PRELID2: variants seen among roughly 807,000 people sequenced by gnomAD.
PRELID2 encodes PRELI domain containing 2.
PRELID2 carries 25 observed loss-of-function variants against 28.4 expected under a neutral mutation model. The observed-to-expected ratio is 0.88, with a 90% CI of 0.64 to 1.23. PRELID2 has a LOEUF of 1.23. Among genes scored for constraint, PRELID2 ranks in the 50% most tolerant of loss-of-function variants. PRELID2 has a pLI of 0.00. For synonymous variants in PRELID2, 76 were observed against 71.6 expected, an observed-to-expected ratio of 1.06 and a Z score of -0.31; for missense variants, 201 against 214.4, an observed-to-expected ratio of 0.94 and a Z score of 0.39.
the PRELID2 span, among the ~76,000 whole-genome samples, chr5:145,345,220 G>T: frequency 6.6e-6 from 1 of 151,944 alleles, no homozygotes; most frequent in Admixed American, 6.6e-5. Flanking sequence ...ATTTCAAAAT[G>T]TACTTATTCC....
At chr5:145,768,012 G>A (rs887456446) in intron 5 of PRELID2, among the ~76,000 whole-genome samples, 1 of 152,058 alleles carries the variant, frequency 6.6e-6, no homozygotes, top group Admixed American at 6.5e-5. Flanking sequence ...GGATCACGAG[G>A]TCAAGAGATG....
intron 1 of PRELID2, among the ~76,000 whole-genome samples, chr5:145,583,988 CT>C (rs1269117950): frequency 6.6e-6 from 1 of 152,026 alleles, no homozygotes; most frequent in African/African-American, 2.4e-5. Flanking sequence ...CAAGAAAATC[CT>C]AAGCAAAAAG....
the PRELID2 span, among the ~76,000 whole-genome samples, chr5:145,352,302 T>C: frequency 6.6e-6 from 1 of 152,204 alleles, no homozygotes; most frequent in Non-Finnish European, 1.5e-5. Context: ...TCTAGGCAGA[T>C]GTTACCAAAC....
chr5:145,516,246 C>T (rs185743539), intron 1 of PRELID2, among the ~76,000 whole-genome samples: 2 of 152,274 alleles, frequency 1.3e-5, no homozygotes, highest in African/African-American at 2.4e-5. Flanking sequence ...AAAACCCCAT[C>T]GTCTGAGCCC....
chr5:145,461,617 T>A, the PRELID2 span, among the ~76,000 whole-genome samples: 1 of 152,218 alleles, frequency 6.6e-6, no homozygotes, highest in Admixed American at 6.5e-5. Context: ...TTCTAATCTT[T>A]AGTTTTCTCA....
the PRELID2 span, among the ~76,000 whole-genome samples, chr5:145,303,166 A>G: frequency 6.6e-6 from 1 of 152,210 alleles, no homozygotes; most frequent in Non-Finnish European, 1.5e-5. Flanking sequence ...ATTAAATAAC[A>G]TTTGTAAAGC....
chr5:145,363,835 A>G, the PRELID2 span, among the ~76,000 whole-genome samples: 1 of 152,036 alleles, frequency 6.6e-6, no homozygotes, highest in Non-Finnish European at 1.5e-5. Flanking sequence ...TTCCCAAATA[A>G]TATTTCACTA....
intron 1 of PRELID2, among the ~76,000 whole-genome samples, chr5:145,490,837 G>A (rs781750504): frequency 3.3e-5 from 5 of 152,036 alleles, no homozygotes; most frequent in Non-Finnish European, 7.4e-5. Flanking sequence ...CCATGACAAC[G>A]ACTAACTAAA....
the PRELID2 span, among the ~76,000 whole-genome samples, chr5:145,375,439 G>A: frequency 6.6e-6 from 1 of 152,086 alleles, no homozygotes; most frequent in African/African-American, 2.4e-5. Context: ...CTTGTTGGAG[G>A]GTCTCACCCA....
chr5:145,819,730 A>G, intron 3 of PRELID2: 2 of 589,024 alleles, frequency 3.4e-6, no homozygotes, highest in Non-Finnish European at 6.0e-6. Flanking sequence ...TATGTCCATT[A>G]AGAGTTCTTC....
the PRELID2 span, among the ~76,000 whole-genome samples, chr5:145,342,928 A>G: frequency 6.6e-6 from 1 of 151,388 alleles, no homozygotes. Flanking sequence ...AGACAAAGAA[A>G]GTCTTATAAT....
At chr5:145,282,664 C>A in the PRELID2 span, among the ~76,000 whole-genome samples, 3 of 151,950 alleles carry the variant, frequency 2.0e-5, no homozygotes, top group African/African-American at 7.2e-5. Context: ...GGATTACAGG[C>A]ACCTGCCAAC....
At chr5:145,379,755 A>AGGCT in the PRELID2 span, among the ~76,000 whole-genome samples, 1 of 152,108 alleles carries the variant, frequency 6.6e-6, no homozygotes, top group South Asian at 2.1e-4. Context: ...GGGAGCATGA[A>AGGCT]GGCTGGTACA....
intron 1 of PRELID2, among the ~76,000 whole-genome samples, chr5:145,594,484 A>G (rs1002550255): frequency 6.6e-6 from 1 of 152,172 alleles, no homozygotes; most frequent in Non-Finnish European, 1.5e-5. Context: ...TGCTTTGAAG[A>G]ATTACGCTCA....
At chr5:145,276,271 G>C in the PRELID2 span, among the ~76,000 whole-genome samples, 2 of 152,102 alleles carry the variant, frequency 1.3e-5, no homozygotes, top group African/African-American at 2.4e-5. Context: ...TGTGGTCTTA[G>C]AGATTAAATG....
At chr5:145,719,340 G>A (rs1354499363) in intron 1 of PRELID2, among the ~76,000 whole-genome samples, 1 of 149,932 alleles carries the variant, frequency 6.7e-6, no homozygotes. Flanking sequence ...GACTCAAGGT[G>A]GCGGCCTCAG....
intron 1 of PRELID2, among the ~76,000 whole-genome samples, chr5:145,562,181 G>A (rs1009050013): frequency 1.3e-5 from 2 of 152,168 alleles, no homozygotes; most frequent in African/African-American, 2.4e-5. Context: ...CAGAAAGGCT[G>A]ACTAGCAAGT....
intron 1 of PRELID2, among the ~76,000 whole-genome samples, chr5:145,609,607 G>A (rs1753582414): frequency 6.6e-6 from 1 of 152,222 alleles, no homozygotes. Flanking sequence ...GGACTGCTGG[G>A]TTGAAAGCTC....
the PRELID2 span, among the ~76,000 whole-genome samples, chr5:145,296,241 G>A: frequency 1.3e-5 from 2 of 151,440 alleles, no homozygotes; most frequent in Non-Finnish European, 2.9e-5. Flanking sequence ...TGCACAATGT[G>A]CAGGTTAGTT....
Sources: allele counts gnomAD v4.1 joint callset (sites outside exome capture counted in the v4.1 genomes callset), GRCh38; gene constraint gnomAD v4.1.1; transcripts MANE v1.5; gene names NCBI Gene and HGNC (gene_info 2026-07-23, HGNC 2026-07-21).